Variants in NSL1 observed in about 807,000 individuals in gnomAD.
NSL1 encodes the protein kinetochore-associated protein NSL1 homolog.
A neutral mutation model predicts 25.4 loss-of-function variants in NSL1; 11 were observed. The ratio of observed to expected loss-of-function variants is 0.43; its 90% CI spans 0.27 to 0.72. The LOEUF is 0.72. NSL1 is among the 30% of genes least tolerant of loss of function. The pLI is 0.19. For missense variants in NSL1, 330 were observed against 342.7 expected, an observed-to-expected ratio of 0.96 and a Z score of 0.29; for synonymous variants, 118 against 120.6, an observed-to-expected ratio of 0.98 and a Z score of 0.14.
At position 212,736,313 on chromosome 1, in the gene NSL1, C is replaced by A. The variant is rs1658230390; in HGVS notation, c.*2095G>T. ...TGCTGGGATTACAGGCATGAGCCCA[C>A]CGCGCCTGGCTATTTCTTTTCTGAA... On this transcript the variant is annotated 3_prime_UTR_variant, in exon 6 of 6. Transcript: ENST00000366977. The A allele has an allele frequency of 1.0e-6, 1 of 982,004 alleles. No individual in the cohort carries two copies. The highest frequency in any genetic ancestry group is 4.7e-5 in the South Asian group (1 of 21,248). 60.8% of individuals were successfully genotyped at this position (982,004 alleles called of 1,614,324 possible).
intron 4 of NSL1, among the ~76,000 whole-genome samples, chr1:212,781,242 G>T (rs571020662): frequency 6.6e-6 from 1 of 152,216 alleles, no homozygotes; most frequent in East Asian, 1.9e-4. Flanking sequence ...ATTTCAAAGG[G>T]TCATTAACTA....
At chr1:212,739,237 CA>C (rs1558038737) in intron 5 of NSL1, among the ~76,000 whole-genome samples, 1 of 152,136 alleles carries the variant, frequency 6.6e-6, no homozygotes, top group East Asian at 1.9e-4. Context: ...ACCAATTATT[CA>C]ATACATTTTA....
Position 212,735,562 on chromosome 1 carries a change from T to C in NSL1, c.*2846A>G, listed in dbSNP as rs1658201373. 1.0e-6 allele frequency: 1 copy of C among 982,780 alleles called. No individual in the cohort carries two copies. The highest frequency in any genetic ancestry group is 1.7e-5 in the African/African-American group (1 of 57,312). 60.9% of individuals were successfully genotyped at this position (982,780 alleles called of 1,614,324 possible). A position where few individuals can be genotyped will look rare whatever the true frequency, so the allele number is the denominator to read the frequency against. On this transcript the variant is annotated 3_prime_UTR_variant, in exon 6 of 6. Coordinates refer to ENST00000366977, the MANE Select transcript of NSL1 (RefSeq NM_015471.4). ...TTTTCTGTGGGCTTGTGTTATGGAC[T>C]CAATGTTTGTGTCCCCCTAAAATCT...
intron 4 of NSL1, among the ~76,000 whole-genome samples, chr1:212,754,584 C>T (rs1015937359): frequency 2.6e-5 from 4 of 151,832 alleles, no homozygotes; most frequent in African/African-American, 4.8e-5. Context: ...GGAGACTAGC[C>T]TGGCCAACAT....
intron 4 of NSL1, among the ~76,000 whole-genome samples, chr1:212,771,709 C>CTGATAGTATAGAATAG (rs1660125817): frequency 6.7e-6 from 1 of 150,322 alleles, no homozygotes; most frequent in African/African-American, 2.4e-5. Context: ...TTTCTATACA[C>CTGATAGTATAGAATAG]CAATAATGAA....
chr1:212,779,815 C>T (rs1478439713), intron 4 of NSL1, among the ~76,000 whole-genome samples: 6 of 142,752 alleles, frequency 4.2e-5, no homozygotes, highest in South Asian at 2.2e-4. Context: ...CCAGCCGCCC[C>T]GTCCGGGAGG....
At chr1:212,758,497 T>A (rs140018676) in intron 4 of NSL1, among the ~76,000 whole-genome samples, 2 of 152,304 alleles carry the variant, frequency 1.3e-5, no homozygotes, top group Non-Finnish European at 2.9e-5. Context: ...ATTAATTCTA[T>A]CTCTACACAG....
At position 212,728,663 on chromosome 1, in the gene NSL1, T is replaced by C. The variant is rs74138622; in HGVS notation, c.*9745A>G. On this transcript the variant is annotated 3_prime_UTR_variant, in exon 6 of 6. Coordinates refer to ENST00000366977, the MANE Select transcript of NSL1 (RefSeq NM_015471.4). ...ATGAGTGAAGGGAACCACAGGCTTA[T>C]CTGCACATCACTTATACCATTTGGT... 6.0e-3 allele frequency: 5,880 copies of C among 985,438 alleles called. 199 individuals are homozygous for C. The African/African-American group carries it at 0.084, about 14-fold the overall frequency. 61.0% of individuals were successfully genotyped at this position (985,438 alleles called of 1,614,324 possible). A position where few individuals can be genotyped will look rare whatever the true frequency, so the allele number is the denominator to read the frequency against.
chr1:212,731,972 C>T lies in NSL1; in HGVS notation c.*6436G>A, dbSNP rs1658034225. 4.1e-6 allele frequency: 4 copies of T among 985,250 alleles called. No individual in the cohort carries two copies. In the South Asian group the frequency reaches 1.4e-4, roughly 35 times the overall value. The allele number at this position is 985,250 out of a possible 1,614,324, so 61.0% of individuals were successfully genotyped here. On this transcript the variant is annotated 3_prime_UTR_variant, in exon 6 of 6. Transcript: ENST00000366977. Reference sequence around the variant, plus strand: ...CAATGTCCATCTAACTGTTCAGTGCCTGTGCTGTACTAATTGCTAATTCCC... The same window carrying T: ...CAATGTCCATCTAACTGTTCAGTGCTTGTGCTGTACTAATTGCTAATTCCC...
At position 212,791,767 on chromosome 1, in the gene NSL1, T is replaced by C. The variant is rs753186495; in HGVS notation, c.-4A>G. On this transcript the variant is annotated 5_prime_UTR_variant, in exon 1 of 6. Coordinates refer to ENST00000366977, the MANE Select transcript of NSL1 (RefSeq NM_015471.4). The stretch of plus-strand genomic sequence containing the variant: ...CCAACTCAGGAGACCCCGCCATTTT[T>C]CGTCGGAACTGTGGGCGGGGCACTC... The C allele has an allele frequency of 1.2e-6, 2 of 1,603,184 alleles. No individual in the cohort carries two copies. Among genetic ancestry groups the C allele is most frequent in the South Asian group, 2.2e-5 (2 of 90,648 alleles).
At chr1:212,785,774 C>T (rs1238607713) in intron 2 of NSL1, among the ~76,000 whole-genome samples, 38 of 152,152 alleles carry the variant, frequency 2.5e-4, no homozygotes, top group Non-Finnish European at 4.4e-5. Context: ...AACTGGTCCT[C>T]ATATTGCTCT....
intron 4 of NSL1, among the ~76,000 whole-genome samples, chr1:212,767,736 T>C (rs185103053): frequency 3.3e-5 from 5 of 151,582 alleles, no homozygotes; most frequent in Admixed American, 2.0e-4. Flanking sequence ...AAAAAACAAA[T>C]AGTCCCATCA....
chr1:212,741,461 C>A (rs1292877308), intron 4 of NSL1, among the ~76,000 whole-genome samples: 3 of 152,122 alleles, frequency 2.0e-5, no homozygotes, highest in Non-Finnish European at 4.4e-5. Context: ...GGCGATTTCC[C>A]CCTTGGTACT....
In NSL1 at chr1:212,784,016, CAACA is replaced by C. The variant is rs1179118252; in HGVS notation, c.444+343_444+346del. The C allele has an allele frequency of 1.9e-5, 3 of 155,672 alleles. No homozygotes were observed. The Admixed American group carries it at 2.0e-4, about 10-fold the overall frequency. 9.6% of individuals were successfully genotyped at this position (155,672 alleles called of 1,614,324 possible). On this transcript the variant is annotated intron_variant, in intron 3 of 5. Coordinates refer to ENST00000366977, the MANE Select transcript of NSL1 (RefSeq NM_015471.4). ...CATACAAATATATGCCAAAAAAAAA[CAACA>C]AACAGAAAGAAAAGTGTTAAAAGAA...
intron 4 of NSL1, among the ~76,000 whole-genome samples, chr1:212,754,923 G>A (rs1026571738): frequency 2.6e-5 from 4 of 152,184 alleles, no homozygotes; most frequent in African/African-American, 9.7e-5. Flanking sequence ...CTGGGACAGA[G>A]GCCCTCTGTT....
intron 4 of NSL1, among the ~76,000 whole-genome samples, chr1:212,778,984 A>G (rs1199182986): frequency 2.2e-5 from 3 of 136,186 alleles, no homozygotes; most frequent in East Asian, 2.4e-4. Context: ...CATCCCATCT[A>G]GGAAGTGAGG....
chr1:212,770,728 C>T (rs898684857), intron 4 of NSL1, among the ~76,000 whole-genome samples: 1 of 152,140 alleles, frequency 6.6e-6, no homozygotes, highest in Admixed American at 6.5e-5. Flanking sequence ...TAAAACCAGA[C>T]AAGGACACAA....
At chr1:212,779,447 G>A (rs1199548746) in intron 4 of NSL1, among the ~76,000 whole-genome samples, 10 of 128,530 alleles carry the variant, frequency 7.8e-5, no homozygotes, top group East Asian at 5.1e-4. Flanking sequence ...CTGCCCGGCC[G>A]CCCCTACTGG....
intron 4 of NSL1, chr1:212,766,159 C>A: frequency 1.8e-6 from 1 of 545,908 alleles, no homozygotes; most frequent in South Asian, 2.4e-5. Flanking sequence ...CAAAAAAACC[C>A]TCAACAAACT....
Sources: allele counts gnomAD v4.1 joint callset (sites outside exome capture counted in the v4.1 genomes callset), GRCh38; gene constraint gnomAD v4.1.1; transcripts MANE v1.5; gene names NCBI Gene and HGNC (gene_info 2026-07-23, HGNC 2026-07-21).